The following SON variants were observed in gnomAD, a reference collection of about 807,000 sequenced individuals.
SON encodes the protein protein SON.
SON carries 4 observed loss-of-function variants against 173.3 expected under a neutral mutation model. The ratio of observed to expected loss-of-function variants is 0.02; its 90% CI spans 0.01 to 0.05. SON has a LOEUF of 0.05. Among genes scored for constraint, SON ranks in the 10% least tolerant of loss-of-function variants. The pLI, the probability that SON is intolerant of heterozygous loss-of-function variation, is 1.00. For missense variants in SON, 2,626 were observed against 3,055.3 expected (o/e 0.86, Z 3.31); for synonymous variants, 1,190 against 1,105.9 (o/e 1.08, Z -1.51).
At chr21:33,575,744 A>T in intron 10 of SON, 34 bp from the exon 11 acceptor site, 1 of 1,570,724 alleles carries the variant, frequency 6.4e-7, no homozygotes, top group Non-Finnish European at 8.7e-7. Flanking sequence ...GTTGGTGGAA[A>T]TAATTTAAAA....
intron 2 of SON, 33 bp from the exon 3 acceptor site, chr21:33,549,443 A>G: frequency 6.7e-7 from 1 of 1,487,040 alleles, no homozygotes; most frequent in Non-Finnish European, 9.0e-7. Context: ...ACTTTGGGGA[A>G]TGTCTGACAA....
rs746066048 is a variant in SON at position 33,553,717 on chromosome 21, C to T, written c.4486C>T (p.Leu1496Phe). 1.2e-5 allele frequency: 20 copies of T among 1,614,000 alleles called. No homozygotes were observed. The highest frequency in any genetic ancestry group is 1.6e-5 in the Non-Finnish European group (19 of 1,179,972). The change falls in exon 3 of 12, where the codon CTT becomes TTT. Residue 1496 changes from leucine (L) to phenylalanine (F), a missense_variant. This residue lies in a region of SON where 1,006 missense variants were observed against 895.6 expected (regional missense o/e 1.12). Coordinates refer to ENST00000356577, the MANE Select transcript of SON (RefSeq NM_138927.4). ...GINLSSGDQN[L>F]APEIGMQEIA... ...TAATCTATCCTCTGGTGATCAAAAT[C>T]TTGCTCCAGAGATTGGCATGCAGGA... is the stretch of plus-strand genomic sequence containing the variant.
At chr21:33,562,580 C>T (rs997012061) in intron 6 of SON, among the ~76,000 whole-genome samples, 3 of 152,126 alleles carry the variant, frequency 2.0e-5, no homozygotes, top group Non-Finnish European at 4.4e-5. Context: ...GTGGATGAAG[C>T]AGCATAAATT....
rs1164589020 is a variant in SON, at chr21:33,559,628, A to G, written c.6510A>G (p.Thr2170=). 5 of 1,613,484 alleles carry G rather than the reference A, an allele frequency of 3.1e-6. No homozygotes were observed. The highest frequency in any genetic ancestry group is 1.6e-4 in the Middle Eastern group (1 of 6,084). ...AKPTPPKSQV[T]LTKEFPVSSG... ...CAACTCCACCAAAAAGCCAGGTAACATTAACAAAAGAATTCCCTGTATCAT... is the reference window on the plus strand; with the variant it reads ...CAACTCCACCAAAAAGCCAGGTAACGTTAACAAAAGAATTCCCTGTATCAT... Residue 2170 remains threonine (T), a synonymous_variant, in exon 6 of 12, where the codon ACA becomes ACG. Coordinates refer to ENST00000356577, the MANE Select transcript of SON (RefSeq NM_138927.4). This position sits in a 1 kb window ranked among gnomAD's most constrained non-coding sequence, Gnocchi z 4.1.
chr21:33,564,425 T>C (rs927628459), intron 6 of SON, among the ~76,000 whole-genome samples: 3 of 152,198 alleles, frequency 2.0e-5, no homozygotes, highest in Non-Finnish European at 2.9e-5. Flanking sequence ...TTGGGGATTG[T>C]ATTGGCTTTT....
At chr21:33,564,862 A>C (rs2086136802) in intron 6 of SON, among the ~76,000 whole-genome samples, 1 of 26,362 alleles carries the variant, frequency 3.8e-5, no homozygotes, top group Non-Finnish European at 8.5e-5. Context: ...ACTCCATCTC[A>C]AAAAAAAAAA....
At position 33,550,883 on chromosome 21, in the gene SON, A is replaced by G. The variant is rs560594238; in HGVS notation, c.1652A>G (p.Gln551Arg). 4 of 1,611,932 alleles carry G rather than the reference A, an allele frequency of 2.5e-6. No individual in the cohort carries two copies. The highest frequency in any genetic ancestry group is 2.2e-5 in the East Asian group (1 of 44,766). ...EATMVLELPGQPVATTALELP... is the reference protein window; with the variant it reads ...EATMVLELPGRPVATTALELP... ...ACGATGGTGCTGGAGTTGCCAGGAC[A>G]GCCAGTGGCAACGACAGCGCTGGAG... The change falls in exon 3 of 12, where the codon CAG (glutamine) becomes CGG (arginine). Residue 551 changes from glutamine (Q) to arginine (R), a missense_variant. Coordinates refer to ENST00000356577, the MANE Select transcript of SON (RefSeq NM_138927.4).
At chr21:33,560,916 T>C (rs2086059805) in intron 6 of SON, 2 of 152,218 alleles carry the variant, frequency 1.3e-5, no homozygotes, top group Admixed American at 6.5e-5. Context: ...GGCCATATCA[T>C]CATCTTCCAG....
chr21:33,543,196 C>T (rs1261849998), intron 1 of SON, 27 bp downstream of exon 1: 3 of 1,588,726 alleles, frequency 1.9e-6, no homozygotes, highest in African/African-American at 2.7e-5. Flanking sequence ...TTCTTCTGCT[C>T]CCAACGGACC....
intron 1 of SON, among the ~76,000 whole-genome samples, chr21:33,544,629 C>G (rs970936591): frequency 2.0e-5 from 3 of 152,126 alleles, no homozygotes; most frequent in Non-Finnish European, 4.4e-5. Context: ...ACAGGTTTAT[C>G]CCTCTCAGTC....
rs760095343 is a variant in SON at position 33,553,970 on chromosome 21, C to A, written c.4739C>A (p.Thr1580Asn). 2 of 1,614,092 alleles carry A rather than the reference C, an allele frequency of 1.2e-6. No individual in the cohort carries two copies. The highest frequency in any genetic ancestry group is 1.7e-6 in the Non-Finnish European group (2 of 1,179,986). ...SETKQRTVLD[T>N]YPGVSEADAG... The stretch of plus-strand genomic sequence containing the variant: ...ACTAAACAGCGCACAGTATTGGATA[C>A]CTACCCTGGTGTTAGTGAAGCTGAT... Residue 1580 changes from threonine to asparagine, a missense_variant, in exon 3 of 12, where the codon ACC becomes AAC. Transcript: ENST00000356577.
In SON at chr21:33,543,245, G is replaced by A. The variant is rs1370632399; in HGVS notation, c.77+76G>A. 3.0e-6 allele frequency: 4 copies of A among 1,345,186 alleles called. No homozygotes were observed. In the Admixed American group the frequency reaches 6.8e-5, roughly 23 times the overall value. 83.3% of individuals were successfully genotyped at this position (1,345,186 alleles called of 1,614,324 possible). A position where few individuals can be genotyped will look rare whatever the true frequency, so the allele number is the denominator to read the frequency against. On this transcript the variant is annotated intron_variant, in intron 1 of 11. Coordinates refer to ENST00000356577, the MANE Select transcript of SON (RefSeq NM_138927.4). ...CTAGCCTTCTTTGGCACCTTTCTTC[G>A]GAGACGCAGTCGTTCCCCGGCTCAG...
intron 7 of SON, 111 bp from the exon 8 acceptor site, chr21:33,568,860 T>C (rs1378432685): frequency 6.2e-6 from 4 of 640,526 alleles, no homozygotes; most frequent in Non-Finnish European, 1.1e-5. Flanking sequence ...AAATATGTTT[T>C]AAAAGTTAAA....
chr21:33,556,692 C>T (rs797006790), intron 3 of SON, among the ~76,000 whole-genome samples: 12 of 132,292 alleles, frequency 9.1e-5, no homozygotes, highest in African/African-American at 2.9e-4. Context: ...GCAGCCTGGG[C>T]GACAGAGTGA....
intron 3 of SON, 93 bp from the exon 4 acceptor site, chr21:33,557,063 G>A (rs776281573): frequency 2.1e-4 from 241 of 1,126,740 alleles, no homozygotes; most frequent in South Asian, 1.6e-3. Context: ...ATGGATCTAG[G>A]ATGCCTTTAG....
In SON at chr21:33,550,809, G is replaced by T. The variant is rs761067389; in HGVS notation, c.1578G>T (p.Gly526=). Residue 526 remains glycine, a synonymous_variant, in exon 3 of 12, where the codon GGG becomes GGT. Coordinates refer to ENST00000356577, the MANE Select transcript of SON (RefSeq NM_138927.4). ...GGATGACAACGGTGGAACATCCTGGGCATCCTGAGGTGACAACGGCAACAG... is the reference window on the plus strand; with the variant it reads ...GGATGACAACGGTGGAACATCCTGGTCATCCTGAGGTGACAACGGCAACAG... ...PVGMTTVEHP[G]HPEVTTATGL... is the part of the protein sequence containing the mutation. 61 of 1,614,008 alleles carry T rather than the reference G, an allele frequency of 3.8e-5. 1 individual carries two copies. Among genetic ancestry groups the T allele is most frequent in the East Asian group, 3.1e-4 (14 of 44,890 alleles).
chr21:33,550,931 C>T lies in SON; in HGVS notation c.1700C>T (p.Thr567Ile), dbSNP rs2145820722. ...ALELPGQPSV[T>I]GVPELPGLPS... ...GAGTTGCCGGGGCAGCCTTCGGTGA[C>T]TGGGGTGCCAGAGTTGCCAGGGCTG... Residue 567 changes from threonine to isoleucine, a missense_variant, in exon 3 of 12, where the codon ACT becomes ATT. Thr to Ile is a moderately conservative substitution (Grantham distance 89, BLOSUM62 -1). Coordinates refer to ENST00000356577, the MANE Select transcript of SON (RefSeq NM_138927.4). 1 of 1,606,890 alleles carries T rather than the reference C, an allele frequency of 6.2e-7. No homozygotes were observed. The highest frequency in any genetic ancestry group is 1.3e-5 in the African/African-American group (1 of 74,588).
chr21:33,550,157 C>T lies in SON; in HGVS notation c.926C>T (p.Ser309Leu). 2 of 1,614,216 alleles carry T rather than the reference C, an allele frequency of 1.2e-6. No individual in the cohort carries two copies. The highest frequency in any genetic ancestry group is 1.7e-6 in the Non-Finnish European group (2 of 1,180,036). ...VLEPSETLVVSSETPTEVYPE... is the reference protein window; with the variant it reads ...VLEPSETLVVLSETPTEVYPE... ...GAGCCTTCAGAAACCCTTGTGGTAT[C>T]ATCAGAGACACCTACTGAGGTGTAC... The change falls in exon 3 of 12, where the codon TCA becomes TTA. Residue 309 changes from serine (S) to leucine (L), a missense_variant. Physicochemically the swap from Ser to Leu is moderately radical, Grantham distance 145. Transcript: ENST00000356577.
At chr21:33,545,879 C>T (rs1034834819) in intron 1 of SON, among the ~76,000 whole-genome samples, 1 of 152,058 alleles carries the variant, frequency 6.6e-6, no homozygotes, top group Admixed American at 6.6e-5. Flanking sequence ...GATTTGTGAC[C>T]GGGCTCTTAT....
Sources: allele counts gnomAD v4.1 joint callset (sites outside exome capture counted in the v4.1 genomes callset), GRCh38; gene constraint gnomAD v4.1.1; regional missense constraint gnomAD v4.1.1; non-coding constraint Gnocchi (gnomAD v3.1); transcripts MANE v1.5; gene names NCBI Gene and HGNC (gene_info 2026-07-23, HGNC 2026-07-21).